Variants in ST18 observed in about 807,000 individuals in gnomAD.
The protein encoded by ST18 is suppression of tumorigenicity 18 protein.
Under a neutral mutation model 110.0 loss-of-function variants are expected in ST18, and 50 were observed. The observed-to-expected ratio is 0.45, with a 90% CI of 0.36 to 0.58. The LOEUF (loss-of-function observed/expected upper bound fraction) is 0.58. Among genes scored for constraint, ST18 ranks in the 20% least tolerant of loss-of-function variants. The pLI is 0.00. For missense variants in ST18, 1,306 were observed against 1,280.1 expected (o/e 1.02, Z -0.31); for synonymous variants, 461 against 452.4 (o/e 1.02, Z -0.24).
chr8:52,151,939 A>AATATCC (rs1397655512), intron 15 of ST18, among the ~76,000 whole-genome samples: 1 of 152,226 alleles, frequency 6.6e-6, no homozygotes, highest in Non-Finnish European at 1.5e-5. Context: ...TTCTCTGAAA[A>AATATCC]ATATCAACTC....
chr8:52,160,295 T>C lies in ST18; in HGVS notation c.1594+1080A>G, dbSNP rs112415599. Among the ~76,000 whole-genome samples the C allele has an allele frequency of 3.2e-3, 481 of 152,334 alleles. 2 individuals carry two copies. The highest frequency in any genetic ancestry group is 4.1e-3 in the Non-Finnish European group (280 of 68,026). ...CTAACAGGTTGTTAGTGGTTATTTATGTTAGTTGGAAGCTATTTTTGGTAA... is the reference window on the plus strand; with the variant it reads ...CTAACAGGTTGTTAGTGGTTATTTACGTTAGTTGGAAGCTATTTTTGGTAA... On this transcript the variant is annotated intron_variant, in intron 14 of 25. Transcript: ENST00000689386.
Position 52,260,884 on chromosome 8 carries a change from G to A in ST18, c.-464-30807C>T, listed in dbSNP as rs534101270. Among the ~76,000 whole-genome samples the A allele has an allele frequency of 2.0e-5, 3 of 152,330 alleles. No homozygotes were observed. In the South Asian group the frequency reaches 6.2e-4, roughly 32 times the overall value. On this transcript the variant is annotated intron_variant, in intron 2 of 25. Coordinates refer to ENST00000689386, the MANE Select transcript of ST18 (RefSeq NM_001352837.2). The stretch of plus-strand genomic sequence containing the variant: ...CTTCTAGCTGTGATTTGACATAGTA[G>A]ACCACAATGTCTCAAACAAAGGATT...
chr8:52,340,015 T>G (rs1454365453), intron 2 of ST18, among the ~76,000 whole-genome samples: 1 of 152,252 alleles, frequency 6.6e-6, no homozygotes, highest in Admixed American at 6.5e-5. Flanking sequence ...AAGTGTTAAA[T>G]AGCATGAAGT....
chr8:52,180,031 A>G, intron 9 of ST18, 91 bp downstream of exon 9: 1 of 1,324,026 alleles, frequency 7.6e-7, no homozygotes, highest in Non-Finnish European at 1.0e-6. Flanking sequence ...TTACAACCAT[A>G]CAAACCATAC....
chr8:52,379,840 T>A (rs1250397658), intron 2 of ST18, among the ~76,000 whole-genome samples: 2 of 152,194 alleles, frequency 1.3e-5, no homozygotes. Flanking sequence ...AGATTAACTT[T>A]AGAACATACT....
intron 2 of ST18, among the ~76,000 whole-genome samples, chr8:52,381,990 A>G (rs977042873): frequency 2.6e-5 from 4 of 152,030 alleles, no homozygotes; most frequent in Non-Finnish European, 5.9e-5. Flanking sequence ...AAAACAAAAA[A>G]ACAAAGTTAC....
At chr8:52,128,160 G>T (rs2047840054) in intron 22 of ST18, among the ~76,000 whole-genome samples, 2 of 152,072 alleles carry the variant, frequency 1.3e-5, no homozygotes, top group Non-Finnish European at 2.9e-5. Flanking sequence ...GTAGAGACGG[G>T]GTTTCACCAT....
intron 2 of ST18, among the ~76,000 whole-genome samples, chr8:52,387,677 T>G (rs6984277): frequency 0.97 from 146,991 of 152,122 alleles, 71,235 homozygotes; most frequent in Middle Eastern, 1. Context: ...GTTAGAAAAG[T>G]CACAAAAAGT....
At chr8:52,144,170 A>C (rs2056351099) in intron 16 of ST18, among the ~76,000 whole-genome samples, 1 of 152,144 alleles carries the variant, frequency 6.6e-6, no homozygotes, top group South Asian at 2.1e-4. Context: ...TTTCTCAATC[A>C]CATAATTAGC....
At chr8:52,131,468 G>A (rs1481435177) in intron 22 of ST18, among the ~76,000 whole-genome samples, 2 of 152,178 alleles carry the variant, frequency 1.3e-5, no homozygotes, top group Non-Finnish European at 2.9e-5. Context: ...TGCACACTTT[G>A]CAGTCACTGT....
chr8:52,195,847 T>C (rs543757991), intron 8 of ST18, among the ~76,000 whole-genome samples: 78 of 152,086 alleles, frequency 5.1e-4, no homozygotes, highest in Non-Finnish European at 6.9e-4. Flanking sequence ...AACCAAAAAA[T>C]AAAGTAAAAC....
chr8:52,355,624 T>C (rs1006718807), intron 2 of ST18, among the ~76,000 whole-genome samples: 11 of 152,202 alleles, frequency 7.2e-5, no homozygotes, highest in Non-Finnish European at 1.5e-4. Flanking sequence ...CAAAAACTTA[T>C]GACAATGAGT....
chr8:52,331,271 CT>C (rs1809241046), intron 2 of ST18, among the ~76,000 whole-genome samples: 1 of 151,792 alleles, frequency 6.6e-6, no homozygotes, highest in South Asian at 2.1e-4. Context: ...TGTTCATATC[CT>C]TTATATATTT....
At chr8:52,197,501 C>T (rs2076529455) in intron 8 of ST18, among the ~76,000 whole-genome samples, 3 of 152,144 alleles carry the variant, frequency 2.0e-5, no homozygotes, top group Non-Finnish European at 4.4e-5. Context: ...GCACTCAAAC[C>T]AGGGCCACAT....
chr8:52,251,598 TA>T (rs760571959), intron 2 of ST18, among the ~76,000 whole-genome samples: 1 of 142,900 alleles, frequency 7.0e-6, no homozygotes, highest in Non-Finnish European at 1.6e-5. Flanking sequence ...TCTTTACCAG[TA>T]AAAGGAAAGA....
chr8:52,278,706 C>T (rs1318796874), intron 2 of ST18, among the ~76,000 whole-genome samples: 1 of 152,116 alleles, frequency 6.6e-6, no homozygotes, highest in Non-Finnish European at 1.5e-5. Flanking sequence ...TGTCATGCCT[C>T]GGATCTGGCT....
intron 2 of ST18, chr8:52,296,663 A>C (rs1340732413): frequency 6.6e-6 from 1 of 152,208 alleles, no homozygotes; most frequent in Non-Finnish European, 1.5e-5. Context: ...TACTGTGTGC[A>C]CTGGAATAAA....
At chr8:52,120,448 G>C (rs973295550) in intron 23 of ST18, among the ~76,000 whole-genome samples, 1 of 152,192 alleles carries the variant, frequency 6.6e-6, no homozygotes, top group Non-Finnish European at 1.5e-5. Context: ...AAGCACAAAG[G>C]GTTCTGGGAG....
Position 52,326,454 on chromosome 8 carries a change from C to G in ST18, c.-465+82874G>C, listed in dbSNP as rs28706390. ...TACATGATTGGGGAGAACCACAGGA[C>G]TCAGATTTGCAGAAATGAAAGATGC... On this transcript the variant is annotated intron_variant, in intron 2 of 25. Transcript: ENST00000689386. 4.8e-3 allele frequency among the ~76,000 whole-genome samples: 726 copies of G among 152,232 alleles called. 10 individuals are homozygous for G. Among genetic ancestry groups the G allele is most frequent in the African/African-American group, 0.017 (694 of 41,542 alleles).
Sources: allele counts gnomAD v4.1 joint callset (sites outside exome capture counted in the v4.1 genomes callset), GRCh38; gene constraint gnomAD v4.1.1; transcripts MANE v1.5; gene names NCBI Gene and HGNC (gene_info 2026-07-23, HGNC 2026-07-21).